Variants in SCYL3 observed in about 807,000 individuals in gnomAD.
SCYL3 encodes the protein protein-associating with the carboxyl-terminal domain of ezrin.
In SCYL3, 35 loss-of-function variants were observed where a neutral mutation model predicts 73.8. That is an observed-to-expected ratio of 0.47 (90% CI 0.36 to 0.63). SCYL3 has a LOEUF of 0.63. Ranked by LOEUF, SCYL3 falls within the 20% of genes least tolerant of loss-of-function variation. The probability of loss-of-function intolerance (pLI) is 0.00; values close to 1 mark genes in which losing one functional copy is unlikely to be tolerated. For synonymous variants in SCYL3, 277 were observed against 295.2 expected (o/e 0.94, Z 0.63); for missense variants, 712 against 798.9 (o/e 0.89, Z 1.31).
In SCYL3 at chr1:169,854,581, G is replaced by A; in HGVS notation, c.1696C>T (p.Pro566Ser). Reference sequence around the variant, plus strand: ...CTTTGTACAAGGCTAATCTTTTGGGGTAAGCTTGATTTCCAAGGCATAGAC... The same window carrying A: ...CTTTGTACAAGGCTAATCTTTTGGGATAAGCTTGATTTCCAAGGCATAGAC... ...EESMPWKSSL[P>S]QKISLVQRGD... is the part of the protein sequence containing the mutation. Residue 566 changes from proline to serine, a missense_variant, in exon 12 of 13, where the codon CCC (proline) becomes TCC (serine). Around this residue, in one of 2 missense-constraint regions of SCYL3, gnomAD observed 370 missense variants for 350.8 expected, o/e 1.05. Transcript: ENST00000367771. 1 of 1,613,810 alleles carries A rather than the reference G, an allele frequency of 6.2e-7. No individual in the cohort carries two copies.
Position 169,862,645 on chromosome 1 carries a change from G to C in SCYL3, c.1108C>G (p.Gln370Glu), listed in dbSNP as rs754974082. ...HIEAYVEHFT[Q>E]EQLKKVILPQ... The stretch of plus-strand genomic sequence containing the variant: ...AAGATGACTTTCTTCAGCTGCTCCT[G>C]AGTGAAGTGCTCCACGTAGGCCTCG... The change falls in exon 10 of 13, where the codon CAG becomes GAG. Residue 370 changes from glutamine (Q) to glutamate (E), a missense_variant. Around this residue, in one of 2 missense-constraint regions of SCYL3, gnomAD observed 342 missense variants for 448.1 expected, o/e 0.76. Coordinates refer to ENST00000367771, the MANE Select transcript of SCYL3 (RefSeq NM_020423.7). 1 of 1,614,188 alleles carries C rather than the reference G, an allele frequency of 6.2e-7. No individual in the cohort carries two copies. Among genetic ancestry groups the C allele is most frequent in the Non-Finnish European group, 8.5e-7 (1 of 1,180,022 alleles).
chr1:169,853,206 A>G lies in SCYL3; in HGVS notation c.*507T>C. On this transcript the variant is annotated 3_prime_UTR_variant, in exon 13 of 13. Coordinates refer to ENST00000367771, the MANE Select transcript of SCYL3 (RefSeq NM_020423.7). ...ACAGTCAGGAACTGCCTAGGTCCAC[A>G]AAGAACCATTTACTCAGATAGTCTA... The G allele has an allele frequency of 1.8e-6, 1 of 565,428 alleles. No individual in the cohort carries two copies. The highest frequency in any genetic ancestry group is 3.1e-6 in the Non-Finnish European group (1 of 319,608). The allele number at this position is 565,428 out of a possible 1,614,324, so 35.0% of individuals were successfully genotyped here.
chr1:169,882,439 G>A (rs980264995), intron 2 of SCYL3, among the ~76,000 whole-genome samples: 11 of 152,098 alleles, frequency 7.2e-5, no homozygotes, highest in South Asian at 6.2e-4. Flanking sequence ...GACCAGCGCC[G>A]CCCCCTGCTC....
At chr1:169,855,238 G>A (rs10489172) in intron 11 of SCYL3, among the ~76,000 whole-genome samples, 34,406 of 152,182 alleles carry the variant, frequency 0.23, 4,344 homozygotes, top group Middle Eastern at 0.29. Flanking sequence ...CAAACATACA[G>A]TATATTCACA....
Position 169,852,849 on chromosome 1 carries a change from G to GCATA in SCYL3, c.*860_*863dup, listed in dbSNP as rs1271397106. ...GGGAAGAAGAGTACAGGTCAGCGCT[G>GCATA]CATACAATAGCAGGGGCTTTGGAAG... On this transcript the variant is annotated 3_prime_UTR_variant, in exon 13 of 13. Transcript: ENST00000367771. 6.2e-7 allele frequency: 1 copy of GCATA among 1,614,014 alleles called. No homozygotes were observed. The highest frequency in any genetic ancestry group is 8.5e-7 in the Non-Finnish European group (1 of 1,180,000).
chr1:169,873,001 C>T (rs1660524784), intron 5 of SCYL3, among the ~76,000 whole-genome samples: 1 of 152,056 alleles, frequency 6.6e-6, no homozygotes, highest in South Asian at 2.1e-4. Context: ...TGAGTGAAGA[C>T]TTTGGGGGAC....
intron 4 of SCYL3, among the ~76,000 whole-genome samples, chr1:169,875,573 C>T (rs1481624343): frequency 3.3e-5 from 5 of 152,158 alleles, no homozygotes; most frequent in African/African-American, 9.7e-5. Context: ...AGGCACTATT[C>T]TAGGTAGAGG....
At chr1:169,872,893 A>T (rs1381278733) in intron 5 of SCYL3, among the ~76,000 whole-genome samples, 1 of 152,194 alleles carries the variant, frequency 6.6e-6, no homozygotes. Context: ...TCTAGGAAGT[A>T]ACTAACTTGC....
chr1:169,875,965 TC>T lies in SCYL3; in HGVS notation c.465+12del. The T allele has an allele frequency of 6.4e-7, 1 of 1,561,856 alleles. No homozygotes were observed. Among genetic ancestry groups the T allele is most frequent in the South Asian group, 1.2e-5 (1 of 86,622 alleles). On this transcript the variant is annotated intron_variant, in intron 4 of 12. Transcript: ENST00000367771. ...AAAACCAAGTAAGGAAGGGGGGCTG[TC>T]CCCTGGCTTACCTCTGGTGTGGCCT... is the stretch of plus-strand genomic sequence containing the variant.
At chr1:169,861,477 C>T (rs931688554) in intron 10 of SCYL3, among the ~76,000 whole-genome samples, 2 of 152,164 alleles carry the variant, frequency 1.3e-5, no homozygotes, top group Admixed American at 1.3e-4. Context: ...TCCAAGATAC[C>T]AAGGAGCCAT....
chr1:169,870,712 T>C (rs919032212), intron 5 of SCYL3, among the ~76,000 whole-genome samples: 3 of 152,112 alleles, frequency 2.0e-5, no homozygotes, highest in Admixed American at 1.3e-4. Flanking sequence ...AAAACAGTGC[T>C]TAGCCTTACT....
In SCYL3 at chr1:169,854,974, A is replaced by G; in HGVS notation, c.1313-10T>C. ...TGAGAAAATGGATCGCCTGTAGGGA[A>G]AATAATTATTCTCATAAAATACTGG... On this transcript the variant is annotated splice_polypyrimidine_tract_variant and intron_variant, in intron 11 of 12. Transcript: ENST00000367771. The G allele has an allele frequency of 6.4e-7, 1 of 1,557,788 alleles. No individual in the cohort carries two copies. Among genetic ancestry groups the G allele is most frequent in the Non-Finnish European group, 8.7e-7 (1 of 1,144,134 alleles).
In SCYL3 at chr1:169,871,502, G is replaced by A. The variant is rs144574946; in HGVS notation, c.523-1145C>T. Among the ~76,000 whole-genome samples the A allele has an allele frequency of 8.1e-3, 1,240 of 152,332 alleles. 6 individuals carry two copies. The highest frequency in any genetic ancestry group is 0.014 in the Non-Finnish European group (986 of 68,038). On this transcript the variant is annotated intron_variant, in intron 5 of 12. Coordinates refer to ENST00000367771, the MANE Select transcript of SCYL3 (RefSeq NM_020423.7). Reference sequence around the variant, plus strand: ...TTGGGTATGTCTTCATCAGCAGCGTGAAAACAGAGTAATACAGTAAATTGG... The same window carrying A: ...TTGGGTATGTCTTCATCAGCAGCGTAAAAACAGAGTAATACAGTAAATTGG...
chr1:169,881,509 T>C (rs1661256836), intron 2 of SCYL3, among the ~76,000 whole-genome samples: 1 of 152,224 alleles, frequency 6.6e-6, no homozygotes, highest in Non-Finnish European at 1.5e-5. Context: ...TACTGACCTA[T>C]CAAACACTAG....
intron 11 of SCYL3, among the ~76,000 whole-genome samples, chr1:169,858,661 CAT>C (rs1219881693): frequency 2.6e-5 from 4 of 152,168 alleles, no homozygotes; most frequent in African/African-American, 4.8e-5. Flanking sequence ...ACCACAAACA[CAT>C]GAGTAATGCA....
chr1:169,860,376 C>G (rs975462758), intron 10 of SCYL3, among the ~76,000 whole-genome samples: 13 of 152,356 alleles, frequency 8.5e-5, no homozygotes, highest in Admixed American at 3.9e-4. Flanking sequence ...AAATGACCTT[C>G]AAAGCATCTG....
rs185183652 is a variant in SCYL3, at chr1:169,856,055, T to C, written c.1313-1091A>G. The C allele has an allele frequency of 7.4e-5, 74 of 995,848 alleles. 1 individual carries two copies. In the East Asian group the frequency reaches 7.9e-4, roughly 11 times the overall value. The allele number at this position is 995,848 out of a possible 1,614,324, so 61.7% of individuals were successfully genotyped here. A position where few individuals can be genotyped will look rare whatever the true frequency, so the allele number is the denominator to read the frequency against. ...GGCATAGTTAAGTGAAATGGGTATATTTTTATACATATAAAGGATAAAATG... is the reference window on the plus strand; with the variant it reads ...GGCATAGTTAAGTGAAATGGGTATACTTTTATACATATAAAGGATAAAATG... On this transcript the variant is annotated intron_variant, in intron 11 of 12. Transcript: ENST00000367771.
intron 9 of SCYL3, 152 bp from the exon 10 acceptor site, chr1:169,862,949 G>T: frequency 2.8e-6 from 2 of 719,508 alleles, no homozygotes; most frequent in South Asian, 3.9e-5. Context: ...GTCTCACTCT[G>T]TCACCCATGC....
chr1:169,857,334 T>C (rs1327937870), intron 11 of SCYL3, among the ~76,000 whole-genome samples: 1 of 152,242 alleles, frequency 6.6e-6, no homozygotes, highest in Non-Finnish European at 1.5e-5. Context: ...GAAAATGATG[T>C]AGTATTTAAA....
Sources: allele counts gnomAD v4.1 joint callset (sites outside exome capture counted in the v4.1 genomes callset), GRCh38; gene constraint gnomAD v4.1.1; regional missense constraint gnomAD v4.1.1; transcripts MANE v1.5; gene names NCBI Gene and HGNC (gene_info 2026-07-23, HGNC 2026-07-21).